Variants in GPC5 observed in about 807,000 individuals in gnomAD.
GPC5 encodes the protein glypican-5.
A neutral mutation model predicts 53.9 loss-of-function variants in GPC5; 47 were observed. That is an observed-to-expected ratio of 0.87 (90% CI 0.69 to 1.11). The LOEUF (loss-of-function observed/expected upper bound fraction) is 1.11. GPC5 is among the 50% of genes most tolerant of loss of function. The pLI is 0.00. For synonymous variants in GPC5, 286 were observed against 263.3 expected (o/e 1.09, Z -0.84); for missense variants, 748 against 713.1 (o/e 1.05, Z -0.56).
intron 7 of GPC5, among the ~76,000 whole-genome samples, chr13:92,630,269 T>C (rs1885192435): frequency 6.6e-6 from 1 of 152,010 alleles, no homozygotes; most frequent in Admixed American, 6.6e-5. Flanking sequence ...GTGGTAATAA[T>C]ACCAAGGCAG....
chr13:91,964,872 G>C (rs2040165543), intron 6 of GPC5, among the ~76,000 whole-genome samples: 1 of 152,018 alleles, frequency 6.6e-6, no homozygotes, highest in South Asian at 2.1e-4. Context: ...AGAAAATGTG[G>C]CACATATACA....
At chr13:92,330,988 G>C (rs2043284238) in intron 7 of GPC5, among the ~76,000 whole-genome samples, 1 of 151,986 alleles carries the variant, frequency 6.6e-6, no homozygotes, top group Non-Finnish European at 1.5e-5. Flanking sequence ...TCATAGCTCA[G>C]GGTCACTTAA....
chr13:92,820,775 T>TA (rs1641058487), intron 7 of GPC5, among the ~76,000 whole-genome samples: 1 of 152,164 alleles, frequency 6.6e-6, no homozygotes, highest in Non-Finnish European at 1.5e-5. Context: ...AGCTAGTAAA[T>TA]ATCCTAAAAT....
At chr13:92,730,828 T>G (rs142342009) in intron 7 of GPC5, among the ~76,000 whole-genome samples, 78 of 151,558 alleles carry the variant, frequency 5.1e-4, no homozygotes, top group Admixed American at 3.0e-3. Context: ...AACGTTCAAC[T>G]TGAGTTCTTG....
chr13:91,421,762 G>T (rs1878651993), intron 1 of GPC5, among the ~76,000 whole-genome samples: 1 of 152,174 alleles, frequency 6.6e-6, no homozygotes, highest in Admixed American at 6.5e-5. Context: ...TTTTGGCTCA[G>T]AATTATAGAA....
chr13:91,418,978 C>A (rs1407836024), intron 1 of GPC5, among the ~76,000 whole-genome samples: 1 of 151,982 alleles, frequency 6.6e-6, no homozygotes, highest in South Asian at 2.1e-4. Flanking sequence ...AAGGTGCATA[C>A]TGACCTTGCA....
Position 91,655,985 on chromosome 13 carries a change from G to A in GPC5, c.326-37202G>A, listed in dbSNP as rs75527956. ...AGAAGTCACAACAGAGGCGATGTGC[G>A]TATACCCAAGGATCCTTTTAGTGAT... On this transcript the variant is annotated intron_variant, in intron 2 of 7. Transcript: ENST00000377067. 7.0e-3 allele frequency among the ~76,000 whole-genome samples: 1,060 copies of A among 152,194 alleles called. 6 individuals are homozygous for A. The highest frequency in any genetic ancestry group is 0.023 in the African/African-American group (971 of 41,526).
intron 5 of GPC5, among the ~76,000 whole-genome samples, chr13:91,788,386 G>A (rs2037910912): frequency 6.6e-6 from 1 of 152,080 alleles, no homozygotes; most frequent in African/African-American, 2.4e-5. Flanking sequence ...TCAATTTGGG[G>A]ATTAGGACTT....
At chr13:92,676,174 T>C (rs17188599) in intron 7 of GPC5, among the ~76,000 whole-genome samples, 33,755 of 152,028 alleles carry the variant, frequency 0.22, 4,387 homozygotes, top group South Asian at 0.36. Flanking sequence ...GCAATACCAT[T>C]ATATAACAGA....
At chr13:92,472,715 G>A (rs541360517) in intron 7 of GPC5, among the ~76,000 whole-genome samples, 1 of 152,098 alleles carries the variant, frequency 6.6e-6, no homozygotes, top group Non-Finnish European at 1.5e-5. Flanking sequence ...GGTATAGTAA[G>A]ATAAATCTTG....
At chr13:91,445,205 C>G (rs1880702927) in intron 1 of GPC5, among the ~76,000 whole-genome samples, 1 of 152,156 alleles carries the variant, frequency 6.6e-6, no homozygotes, top group Non-Finnish European at 1.5e-5. Context: ...GCACTTTGGG[C>G]AAATCCAGAT....
chr13:91,876,247 C>A (rs2039200709), intron 5 of GPC5, among the ~76,000 whole-genome samples: 1 of 152,126 alleles, frequency 6.6e-6, no homozygotes, highest in Non-Finnish European at 1.5e-5. Context: ...TAGAGTGGGG[C>A]ATTGCTGAAG....
intron 5 of GPC5, among the ~76,000 whole-genome samples, chr13:91,883,313 G>T (rs1032031247): frequency 2.6e-5 from 4 of 152,164 alleles, no homozygotes; most frequent in African/African-American, 4.8e-5. Flanking sequence ...AACCTTAAAG[G>T]TCAGATAGAA....
At chr13:92,444,249 A>G (rs1237292828) in intron 7 of GPC5, among the ~76,000 whole-genome samples, 1 of 152,220 alleles carries the variant, frequency 6.6e-6, no homozygotes, top group Non-Finnish European at 1.5e-5. Context: ...CAATAGATGT[A>G]TATGTTTTTG....
intron 2 of GPC5, among the ~76,000 whole-genome samples, chr13:91,691,214 G>T (rs1455198987): frequency 6.6e-6 from 1 of 152,192 alleles, no homozygotes; most frequent in Admixed American, 6.5e-5. Context: ...AGAGCAGAGA[G>T]AATATTTTAC....
At chr13:92,046,527 CT>C (rs767560119) in intron 6 of GPC5, among the ~76,000 whole-genome samples, 1 of 152,152 alleles carries the variant, frequency 6.6e-6, no homozygotes, top group African/African-American at 2.4e-5. Flanking sequence ...AACAAATGTT[CT>C]TGTTTCTAGT....
chr13:92,194,219 A>G (rs2042242508), intron 7 of GPC5, among the ~76,000 whole-genome samples: 1 of 152,206 alleles, frequency 6.6e-6, no homozygotes, highest in Admixed American at 6.5e-5. Flanking sequence ...TGATGATCAG[A>G]GAGTTTAAGC....
Position 91,801,253 on chromosome 13 carries a change from T to TTG in GPC5, c.1280+44873_1280+44874dup, listed in dbSNP as rs71113762. Among the ~76,000 whole-genome samples the TTG allele has an allele frequency of 8.6e-3, 1,254 of 146,374 alleles. 9 individuals carry two copies. The highest frequency in any genetic ancestry group is 0.025 in the Middle Eastern group (7 of 278). ...ACTAACTCCCTGTGACATCCATACT[T>TTG]TGTGTGTGTGTGTGTGTGTGTGTGT... On this transcript the variant is annotated intron_variant, in intron 5 of 7. Coordinates refer to ENST00000377067, the MANE Select transcript of GPC5 (RefSeq NM_004466.6).
At chr13:91,668,337 G>A (rs2035165668) in intron 2 of GPC5, among the ~76,000 whole-genome samples, 1 of 152,206 alleles carries the variant, frequency 6.6e-6, no homozygotes, top group South Asian at 2.1e-4. Flanking sequence ...AAAAGCTACA[G>A]TATCAGCTAG....
Sources: allele counts gnomAD v4.1 joint callset (sites outside exome capture counted in the v4.1 genomes callset), GRCh38; gene constraint gnomAD v4.1.1; transcripts MANE v1.5; gene names NCBI Gene and HGNC (gene_info 2026-07-23, HGNC 2026-07-21).